Variants in ITGA8 observed in about 807,000 individuals in gnomAD.
The protein encoded by ITGA8 is integrin subunit alpha 8.
In ITGA8, 91 loss-of-function variants were observed where a neutral mutation model predicts 142.3. The ratio of observed to expected loss-of-function variants is 0.64; its 90% confidence interval spans 0.54 to 0.76. ITGA8 has a LOEUF of 0.76. Among genes scored for constraint, ITGA8 ranks in the 30% least tolerant of loss-of-function variants. The pLI is 0.00. For missense variants in ITGA8, 1,406 were observed against 1,327.7 expected (o/e 1.06, Z -0.92); for synonymous variants, 505 against 485.2 (o/e 1.04, Z -0.54).
chr10:15,624,602 C>T (rs932378197), intron 13 of ITGA8, among the ~76,000 whole-genome samples: 3 of 152,154 alleles, frequency 2.0e-5, no homozygotes, highest in Non-Finnish European at 4.4e-5. Flanking sequence ...GCTCTACAGA[C>T]GCCTGACTCC....
At position 15,549,201 on chromosome 10, in the gene ITGA8, G is replaced by GTTTTTTTTTTTTTTTTTT. The variant is rs67683436; in HGVS notation, c.2767-651_2767-634dup. ...TTCTTTCTTTTTTCTTTTCTTTTCT[G>GTTTTTTTTTTTTTTTTTT]TTTTTTTTTTTTTTTTTTTTTTTTT... On this transcript the variant is annotated intron_variant, in intron 26 of 29. Coordinates refer to ENST00000378076, the MANE Select transcript of ITGA8 (RefSeq NM_003638.3). 1.8e-3 allele frequency among the ~76,000 whole-genome samples: 198 copies of GTTTTTTTTTTTTTTTTTT among 107,180 alleles called. 15 individuals carry two copies. Among genetic ancestry groups the GTTTTTTTTTTTTTTTTTT allele is most frequent in the African/African-American group, 3.0e-3 (56 of 18,658 alleles). The allele number at this position is 107,180 out of a possible 152,430, so 70.3% of individuals were successfully genotyped here. A position where few individuals can be genotyped will look rare whatever the true frequency, so the allele number is the denominator to read the frequency against.
chr10:15,594,436 T>C (rs1047367777), intron 21 of ITGA8, among the ~76,000 whole-genome samples: 1 of 152,164 alleles, frequency 6.6e-6, no homozygotes. Context: ...TTTTTATCTT[T>C]ATATTGCCGA....
chr10:15,688,174 G>T (rs544541934), intron 2 of ITGA8, 136 bp from the exon 3 acceptor site: 2 of 646,954 alleles, frequency 3.1e-6, no homozygotes, highest in African/African-American at 1.8e-5. Flanking sequence ...TTGAAAAGAG[G>T]CTGGGTATGG....
intron 2 of ITGA8, among the ~76,000 whole-genome samples, chr10:15,699,434 CATAG>C (rs891593048): frequency 2.0e-5 from 3 of 152,100 alleles, no homozygotes; most frequent in Admixed American, 6.6e-5. Flanking sequence ...TATATAGAAA[CATAG>C]ATGAGTGAAT....
chr10:15,577,147 T>G (rs994420461), intron 23 of ITGA8, among the ~76,000 whole-genome samples: 1 of 152,094 alleles, frequency 6.6e-6, no homozygotes, highest in African/African-American at 2.4e-5. Flanking sequence ...CTAGGGAAAC[T>G]TTTATTTATT....
At chr10:15,706,643 T>C (rs993732215) in intron 2 of ITGA8, among the ~76,000 whole-genome samples, 1 of 152,288 alleles carries the variant, frequency 6.6e-6, no homozygotes, top group Middle Eastern at 3.4e-3. Context: ...TCTTGCTACA[T>C]TGCCCAGACT....
rs369806736 is a variant in ITGA8 at position 15,719,429 on chromosome 10, G to T, written c.209+134C>A. ...GGGGAGAGAAGGGGCTGGTGGCGGG[G>T]AGAGGGACGGGACCCCGGGCAGGCG... is the stretch of plus-strand genomic sequence containing the variant. On this transcript the variant is annotated intron_variant, in intron 1 of 29. Coordinates refer to ENST00000378076, the MANE Select transcript of ITGA8 (RefSeq NM_003638.3). The T allele has an allele frequency of 5.1e-5, 36 of 706,666 alleles. No individual in the cohort carries two copies. In the African/African-American group the frequency reaches 6.3e-4, roughly 12 times the overall value. 43.8% of individuals were successfully genotyped at this position (706,666 alleles called of 1,614,324 possible).
At chr10:15,698,681 C>T (rs1038822661) in intron 2 of ITGA8, among the ~76,000 whole-genome samples, 1 of 152,092 alleles carries the variant, frequency 6.6e-6, no homozygotes, top group Non-Finnish European at 1.5e-5. Context: ...AACATTTTTA[C>T]CTATGCTTCT....
intron 24 of ITGA8, among the ~76,000 whole-genome samples, chr10:15,574,756 G>T (rs1834252684): frequency 6.6e-6 from 1 of 151,120 alleles, no homozygotes; most frequent in Admixed American, 6.6e-5. Context: ...ATTGTTTTCT[G>T]TCTGGTACCT....
intron 15 of ITGA8, among the ~76,000 whole-genome samples, chr10:15,609,577 C>A (rs187692218): frequency 6.6e-6 from 1 of 152,184 alleles, no homozygotes; most frequent in African/African-American, 2.4e-5. Context: ...TATTCCGCTT[C>A]CCCAGAGAAA....
chr10:15,551,094 A>G (rs1315036696), intron 26 of ITGA8, among the ~76,000 whole-genome samples: 2 of 152,156 alleles, frequency 1.3e-5, no homozygotes, highest in Non-Finnish European at 2.9e-5. Flanking sequence ...GAGGAGGTAC[A>G]TTTGAGAAGT....
intron 27 of ITGA8, among the ~76,000 whole-genome samples, chr10:15,539,411 G>A (rs1296128826): frequency 6.6e-6 from 1 of 152,144 alleles, no homozygotes; most frequent in Non-Finnish European, 1.5e-5. Flanking sequence ...AATTATGTCA[G>A]CATTGTGGGT....
intron 2 of ITGA8, among the ~76,000 whole-genome samples, chr10:15,696,169 A>G (rs1337343375): frequency 1.3e-5 from 2 of 152,254 alleles, no homozygotes; most frequent in Non-Finnish European, 2.9e-5. Context: ...AACCCCACAG[A>G]ACGCAAAAGG....
rs188139659 is a variant in ITGA8 at position 15,543,821 on chromosome 10, G to A, written c.2880+4634C>T. Among the ~76,000 whole-genome samples, 162 of 152,254 alleles carry A rather than the reference G, an allele frequency of 1.1e-3. 1 individual carries two copies. The highest frequency in any genetic ancestry group is 1.6e-4 in the Non-Finnish European group (11 of 68,022). ...AATGGTCTTTGCAGAATTAATTAAG[G>A]TAAGGTTTGAGATGAGACTGTACTG... On this transcript the variant is annotated intron_variant, in intron 27 of 29. Transcript: ENST00000378076.
At chr10:15,584,498 A>T (rs1368888869) in intron 23 of ITGA8, among the ~76,000 whole-genome samples, 1 of 152,194 alleles carries the variant, frequency 6.6e-6, no homozygotes, top group Non-Finnish European at 1.5e-5. Context: ...GTTGAGAGTT[A>T]GCTGATAGTG....
chr10:15,707,961 G>GACAC (rs138462340), intron 2 of ITGA8, among the ~76,000 whole-genome samples: 14,995 of 144,718 alleles, frequency 0.1, 931 homozygotes, highest in African/African-American at 0.18. Flanking sequence ...TGCACACACC[G>GACAC]ACACACACAC....
rs1345481297 is a variant in ITGA8, at chr10:15,517,183, G to T, written c.3167C>A (p.Thr1056Lys). 1.9e-6 allele frequency: 3 copies of T among 1,612,674 alleles called. No homozygotes were observed. The highest frequency in any genetic ancestry group is 2.7e-5 in the African/African-American group (2 of 74,692). Residue 1056 changes from threonine to lysine, a missense_variant, in exon 30 of 30, where the codon ACA (threonine) becomes AAA (lysine). Thr to Lys is a moderately conservative substitution (Grantham distance 78). Coordinates refer to ENST00000378076, the MANE Select transcript of ITGA8 (RefSeq NM_003638.3). ...QEDMTDREQL[T>K]NDKTPEA The stretch of plus-strand genomic sequence containing the variant: ...TCATGCCTCAGGGGTCTTGTCATTT[G>T]TCAGCTGTTCCCTGTCGGTCATGTC...
intron 28 of ITGA8, among the ~76,000 whole-genome samples, chr10:15,520,326 T>C (rs1004316679): frequency 3.9e-5 from 6 of 151,998 alleles, no homozygotes; most frequent in African/African-American, 9.7e-5. Flanking sequence ...CACACGAAAA[T>C]TGCTTGAACC....
chr10:15,719,458 G>A, intron 1 of ITGA8, 105 bp downstream of exon 1: 1 of 1,043,892 alleles, frequency 9.6e-7, no homozygotes, highest in Non-Finnish European at 1.3e-6. Flanking sequence ...GCAGGCGGCA[G>A]GACGGGGATC....
Sources: gnomAD v4.1 joint callset for allele counts (sites outside exome capture counted in the v4.1 genomes callset) on GRCh38, gnomAD v4.1.1 for gene constraint, MANE v1.5 for transcripts, NCBI Gene and HGNC (gene_info 2026-07-23, HGNC 2026-07-21) for gene names.